ADISSP: variants seen among roughly 807,000 people sequenced by gnomAD.
ADISSP encodes adipose-secreted signaling protein.
At chr20:3,763,714 T>C in the ADISSP span, among the ~76,000 whole-genome samples, 1 of 152,136 alleles carries the variant, frequency 6.6e-6, no homozygotes, top group South Asian at 2.1e-4. Context: ...TAGAGATGAG[T>C]GACACTGGCT....
At chr20:3,757,121 C>T in the ADISSP span, among the ~76,000 whole-genome samples, 26 of 152,238 alleles carry the variant, frequency 1.7e-4, no homozygotes, top group African/African-American at 3.1e-4. Context: ...GAGGCCGACA[C>T]GGACGGATCA....
the ADISSP span, chr20:3,753,857 G>A: frequency 1.7e-6 from 1 of 603,210 alleles, no homozygotes; most frequent in African/African-American, 1.9e-5. Flanking sequence ...GGCACACAGA[G>A]AGGAGGAAGT....
the ADISSP span, chr20:3,758,737 C>G: frequency 1.3e-6 from 2 of 1,556,362 alleles, no homozygotes; most frequent in Non-Finnish European, 1.8e-6. The surrounding 1 kb of genome is among the most constrained non-coding windows in gnomAD (Gnocchi z 5.5). Flanking sequence ...ACTCCTCCCC[C>G]TTGTCCCCTC....
chr20:3,757,375 C>A, the ADISSP span, among the ~76,000 whole-genome samples: 1 of 152,098 alleles, frequency 6.6e-6, no homozygotes, highest in African/African-American at 2.4e-5. Context: ...TGAAATAACA[C>A]ACATCAGAAT....
the ADISSP span, among the ~76,000 whole-genome samples, chr20:3,764,620 C>T: frequency 1.4e-4 from 22 of 152,370 alleles, no homozygotes; most frequent in African/African-American, 4.1e-4. Context: ...CATTTGATAT[C>T]CCTCTTCCTC....
chr20:3,764,378 G>T, the ADISSP span, among the ~76,000 whole-genome samples: 6 of 152,152 alleles, frequency 3.9e-5, no homozygotes, highest in Non-Finnish European at 8.8e-5. Flanking sequence ...AAAACACTCT[G>T]AACTGGTCCA....
At chr20:3,760,052 C>A in the ADISSP span, 6 of 1,610,610 alleles carry the variant, frequency 3.7e-6, no homozygotes, top group Non-Finnish European at 5.1e-6. Flanking sequence ...AGAGCTTGTG[C>A]AAGTCCTACC....
At chr20:3,766,782 C>G in the ADISSP span, among the ~76,000 whole-genome samples, 1 of 152,156 alleles carries the variant, frequency 6.6e-6, no homozygotes, top group Non-Finnish European at 1.5e-5. Context: ...CCACAAAAGA[C>G]CAGAATGGGA....
chr20:3,760,165 C>A, the ADISSP span: 1 of 1,347,734 alleles, frequency 7.4e-7, no homozygotes, highest in South Asian at 1.2e-5. Flanking sequence ...GCCTCCCATG[C>A]TCCAGGGACA....
At chr20:3,756,415 G>C in the ADISSP span, among the ~76,000 whole-genome samples, 1 of 152,212 alleles carries the variant, frequency 6.6e-6, no homozygotes, top group East Asian at 1.9e-4. Context: ...AGCCAGGGTG[G>C]TTGCTGAGCA....
chr20:3,762,560 C>T, the ADISSP span, among the ~76,000 whole-genome samples: 1 of 152,160 alleles, frequency 6.6e-6, no homozygotes, highest in Admixed American at 6.5e-5. Context: ...CAGAGTTGCC[C>T]AGGCTGGTCT....
chr20:3,758,716 G>C, the ADISSP span: 1 of 1,607,756 alleles, frequency 6.2e-7, no homozygotes. This position sits in a 1 kb window ranked among gnomAD's most constrained non-coding sequence, Gnocchi z 5.5. Context: ...GGCTTTCCCT[G>C]TCCCCAGGAA....
the ADISSP span, chr20:3,754,200 C>T: frequency 6.4e-7 from 1 of 1,572,802 alleles, no homozygotes; most frequent in African/African-American, 1.3e-5. Context: ...TGGCCCCCGG[C>T]CCCACCCATG....
the ADISSP span, among the ~76,000 whole-genome samples, chr20:3,757,364 C>T: frequency 6.6e-6 from 1 of 151,976 alleles, no homozygotes; most frequent in East Asian, 1.9e-4. Context: ...AAAAAAAAAG[C>T]TGAAATAACA....
At chr20:3,765,410 A>C in the ADISSP span, among the ~76,000 whole-genome samples, 1 of 152,188 alleles carries the variant, frequency 6.6e-6, no homozygotes, top group African/African-American at 2.4e-5. Flanking sequence ...TGCCCTTGCT[A>C]GCTGCATGGG....
chr20:3,755,542 C>T, the ADISSP span: 4 of 1,613,586 alleles, frequency 2.5e-6, no homozygotes, highest in Non-Finnish European at 2.5e-6. Context: ...CATCCTTGCT[C>T]AGCCTGTGCA....
At chr20:3,761,760 G>A in the ADISSP span, among the ~76,000 whole-genome samples, 2 of 152,294 alleles carry the variant, frequency 1.3e-5, no homozygotes, top group Non-Finnish European at 2.9e-5. Flanking sequence ...GCCTCCTGAA[G>A]TAAGGCAGCC....
the ADISSP span, chr20:3,759,992 T>A: frequency 6.3e-7 from 1 of 1,594,030 alleles, no homozygotes; most frequent in South Asian, 1.1e-5. The surrounding 1 kb of genome is among the most constrained non-coding windows in gnomAD (Gnocchi z 4.6). Flanking sequence ...CACACACAGG[T>A]GGTGCGGGCC....
At chr20:3,755,279 T>A in the ADISSP span, 3 of 590,510 alleles carry the variant, frequency 5.1e-6, no homozygotes, top group Non-Finnish European at 9.1e-6. Flanking sequence ...TATGAGCTCA[T>A]GGACTTCTGT....
Sources: allele counts gnomAD v4.1 joint callset (sites outside exome capture counted in the v4.1 genomes callset), GRCh38; gene constraint gnomAD v4.1.1; non-coding constraint Gnocchi (gnomAD v3.1); transcripts MANE v1.5; gene names NCBI Gene and HGNC (gene_info 2026-07-23, HGNC 2026-07-21).